Variants in UGT2B7 observed in about 807,000 individuals in gnomAD.
UGT2B7 encodes UDP glucuronosyltransferase family 2 member B7.
In UGT2B7, 51 loss-of-function variants were observed where a neutral mutation model predicts 51.9. The ratio of observed to expected loss-of-function variants is 0.98; its 90% CI spans 0.78 to 1.24. UGT2B7 has a LOEUF of 1.24. Among genes scored for constraint, UGT2B7 ranks in the 50% most tolerant of loss-of-function variants. The pLI is 0.00. For missense variants in UGT2B7, 727 were observed against 628.4 expected (o/e 1.16, Z -1.68); for synonymous variants, 225 against 211.6 (o/e 1.06, Z -0.55).
At chr4:69,064,097 A>AAAGAAAGG (rs1718430527) in intron 1 of UGT2B7, among the ~76,000 whole-genome samples, 1 of 69,594 alleles carries the variant, frequency 1.4e-5, no homozygotes, top group Non-Finnish European at 2.6e-5. Flanking sequence ...AGAAAGAAAG[A>AAAGAAAGG]GAAAGAAAGA....
intron 1 of UGT2B7, among the ~76,000 whole-genome samples, chr4:69,083,883 T>A (rs549030164): frequency 1.3e-5 from 2 of 152,150 alleles, no homozygotes; most frequent in South Asian, 2.1e-4. Flanking sequence ...TTCTCTTGGC[T>A]ACTTGCTCTG....
chr4:69,109,866 G>A (rs768046186), intron 5 of UGT2B7, among the ~76,000 whole-genome samples: 1 of 151,372 alleles, frequency 6.6e-6, no homozygotes, highest in Non-Finnish European at 1.5e-5. Context: ...TCATCTAAAG[G>A]AATACTTGAA....
intron 4 of UGT2B7, among the ~76,000 whole-genome samples, 178 bp from the exon 5 acceptor site, chr4:69,107,925 C>G (rs1441238062): frequency 1.3e-5 from 2 of 152,134 alleles, no homozygotes; most frequent in Non-Finnish European, 2.9e-5. Context: ...GTCACACACA[C>G]CGTATAGCCT....
In UGT2B7 at chr4:69,102,849, G is replaced by A; in HGVS notation, c.913G>A (p.Val305Met). The change falls in exon 3 of 6, where the codon GTG (valine) becomes ATG (methionine). Residue 305 changes from valine (V) to methionine (M), a missense_variant. Physicochemically the swap from Val to Met is conservative, Grantham distance 21 (BLOSUM62 1). Coordinates refer to ENST00000305231, the MANE Select transcript of UGT2B7 (RefSeq NM_001074.4). ...FVQSSGENGV[V>M]VFSLGSMVSN... Reference sequence around the variant, plus strand: ...ACAGAGCTCTGGAGAAAATGGTGTTGTGGTGTTTTCTCTGGGGTCAATGGT... The same window carrying A: ...ACAGAGCTCTGGAGAAAATGGTGTTATGGTGTTTTCTCTGGGGTCAATGGT... The A allele has an allele frequency of 2.5e-6, 4 of 1,613,608 alleles. No individual in the cohort carries two copies. Among genetic ancestry groups the A allele is most frequent in the Non-Finnish European group, 2.5e-6 (3 of 1,179,694 alleles).
chr4:69,053,666 C>T (rs765678547), intron 1 of UGT2B7, among the ~76,000 whole-genome samples: 4 of 152,198 alleles, frequency 2.6e-5, no homozygotes, highest in Admixed American at 6.5e-5. Flanking sequence ...CATCTCCCAA[C>T]ACTAAGTTCA....
At chr4:69,105,161 A>G (rs953336360) in intron 3 of UGT2B7, among the ~76,000 whole-genome samples, 2 of 152,146 alleles carry the variant, frequency 1.3e-5, no homozygotes, top group African/African-American at 4.8e-5. Context: ...CTATCAGATT[A>G]ACAACTCCTC....
At chr4:69,070,295 A>G (rs921173165) in intron 1 of UGT2B7, among the ~76,000 whole-genome samples, 9 of 147,832 alleles carry the variant, frequency 6.1e-5, no homozygotes, top group Admixed American at 1.4e-4. Context: ...ATATACTTAT[A>G]TATTGTATTT....
At chr4:69,090,584 T>G (rs1308181021) in intron 2 of UGT2B7, among the ~76,000 whole-genome samples, 1 of 152,110 alleles carries the variant, frequency 6.6e-6, no homozygotes, top group Non-Finnish European at 1.5e-5. Context: ...AAAGTTTTTC[T>G]ATGAGGAGAA....
intron 1 of UGT2B7, among the ~76,000 whole-genome samples, chr4:69,064,035 A>AGAC (rs1718417873): frequency 2.3e-5 from 2 of 86,852 alleles, no homozygotes; most frequent in African/African-American, 1.4e-4. Flanking sequence ...AAAGAAAGAA[A>AGAC]GAAAGAAAGA....
At chr4:69,106,417 C>A (rs1719601156) in intron 3 of UGT2B7, among the ~76,000 whole-genome samples, 1 of 152,078 alleles carries the variant, frequency 6.6e-6, no homozygotes, top group Non-Finnish European at 1.5e-5. Flanking sequence ...CATATCCCTG[C>A]AAAATACATA....
At chr4:69,062,343 G>A (rs1718365281) in intron 1 of UGT2B7, among the ~76,000 whole-genome samples, 1 of 152,154 alleles carries the variant, frequency 6.6e-6, no homozygotes, top group African/African-American at 2.4e-5. Context: ...CTAACTTTAA[G>A]AAGGCAAATG....
chr4:69,095,786 C>T (rs114345653), upstream of UGT2B7, among the ~76,000 whole-genome samples: 488 of 152,194 alleles, frequency 3.2e-3, 4 homozygotes, highest in African/African-American at 0.011. Context: ...AACATGTATA[C>T]GCTATATCAT....
At chr4:69,069,635 T>C (rs1718558599) in intron 1 of UGT2B7, 1 of 123,700 alleles carries the variant, frequency 8.1e-6, no homozygotes, top group East Asian at 2.8e-4. Flanking sequence ...TTGATTTTCC[T>C]TTAGCTGTAA....
chr4:69,063,584 A>T lies in UGT2B7; in HGVS notation c.-159+11982A>T, dbSNP rs1256067461. Among the ~76,000 whole-genome samples the T allele has an allele frequency of 2.0e-5, 3 of 152,142 alleles. No homozygotes were observed. The East Asian group carries it at 5.8e-4, about 29-fold the overall frequency. On this transcript the variant is annotated intron_variant, in intron 1 of 5. Coordinates refer to the UGT2B7 transcript ENST00000502942. ...CAGACTGCCTCCTAGCCCAAAAAGAAGGATTATGTGGAAAGTTGAGCCTGA... is the reference window on the plus strand; with the variant it reads ...CAGACTGCCTCCTAGCCCAAAAAGATGGATTATGTGGAAAGTTGAGCCTGA...
At chr4:69,084,826 C>A (rs1022645518) in intron 1 of UGT2B7, among the ~76,000 whole-genome samples, 4 of 152,158 alleles carry the variant, frequency 2.6e-5, no homozygotes, top group African/African-American at 7.2e-5. Context: ...CATAGTATTT[C>A]ATGGTATATA....
At position 69,087,789 on chromosome 4, in the gene UGT2B7, A is replaced by AT. The variant is rs541855163; in HGVS notation, c.-158-1674dup. Reference sequence around the variant, plus strand: ...GCTCACAAGTTGATTTATTTATTTTATTTTTTTTTGAGAAATTTGATGAAA... The same window carrying AT: ...GCTCACAAGTTGATTTATTTATTTTATTTTTTTTTTGAGAAATTTGATGAAA... On this transcript the variant is annotated intron_variant, in intron 1 of 5. Coordinates refer to the UGT2B7 transcript ENST00000502942. Among the ~76,000 whole-genome samples, 901 of 150,930 alleles carry AT rather than the reference A, an allele frequency of 6.0e-3. 1 individual carries two copies. The highest frequency in any genetic ancestry group is 0.01 in the Non-Finnish European group (694 of 67,554).
chr4:69,108,031 C>T (rs1560512202), intron 4 of UGT2B7, 72 bp from the exon 5 acceptor site: 3 of 1,551,290 alleles, frequency 1.9e-6, no homozygotes, highest in South Asian at 1.1e-5. Context: ...AACACTGTCA[C>T]TTTCAGAGCC....
chr4:69,069,719 G>A (rs1718560541), intron 1 of UGT2B7: 1 of 152,324 alleles, frequency 6.6e-6, no homozygotes, highest in Non-Finnish European at 1.5e-5. Context: ...AAACTCTCCT[G>A]GATTGAGTTT....
chr4:69,072,216 G>C (rs1030837190), intron 1 of UGT2B7, among the ~76,000 whole-genome samples: 1 of 152,030 alleles, frequency 6.6e-6, no homozygotes, highest in Admixed American at 6.6e-5. Flanking sequence ...CTGTTTCTTT[G>C]AGATTGATTC....
Sources: gnomAD v4.1 joint callset for allele counts (sites outside exome capture counted in the v4.1 genomes callset) on GRCh38, gnomAD v4.1.1 for gene constraint, MANE v1.5 for transcripts, NCBI Gene and HGNC (gene_info 2026-07-23, HGNC 2026-07-21) for gene names.